Variants in MYO15B observed in about 807,000 individuals in gnomAD.
The protein encoded by MYO15B is myosin XVB, also known as myosin XVB pseudogene.
MYO15B carries 207 observed loss-of-function variants against 119.3 expected under a neutral mutation model. The ratio of observed to expected loss-of-function variants is 1.73; its 90% CI spans 1.55 to 1.95. MYO15B has a LOEUF of 1.95. Ranked by LOEUF, MYO15B falls within the 30% of genes most tolerant of loss-of-function variation. MYO15B has a pLI of 0.00. For synonymous variants in MYO15B, 966 were observed against 498.9 expected, an observed-to-expected ratio of 1.94 and a Z score of -12.48; for missense variants, 2,264 against 1,203.1, an observed-to-expected ratio of 1.88 and a Z score of -13.04.
chr17:75,614,381 C>T, intron 30 of MYO15B, 21 bp downstream of exon 30: 1 of 700,458 alleles, frequency 1.4e-6, no homozygotes, highest in Non-Finnish European at 2.6e-6. Context: ...CCCAGCACCC[C>T]TCTCCCTGGC....
exon 64 of MYO15B, chr17:75,626,465 A>C (rs2059076005): frequency 1.4e-6 from 1 of 703,146 alleles, no homozygotes; most frequent in South Asian, 1.5e-5. Flanking sequence ...TCTTGCACTG[A>C]GTGGCCCAGC....
intron 53 of MYO15B, among the ~76,000 whole-genome samples, chr17:75,623,531 G>C (rs2058827680): frequency 6.6e-6 from 1 of 152,236 alleles, no homozygotes; most frequent in African/African-American, 2.4e-5. Flanking sequence ...GGCTGAGGCA[G>C]GAGAATTGCT....
At position 75,625,122 on chromosome 17, in the gene MYO15B, G is replaced by A. The variant is rs1460690347; in HGVS notation, c.8689-1G>A. The A allele has an allele frequency of 2.9e-6, 2 of 694,980 alleles. No individual in the cohort carries two copies. Among genetic ancestry groups the A allele is most frequent in the Non-Finnish European group, 5.3e-6 (2 of 379,578 alleles). 43.1% of individuals were successfully genotyped at this position (694,980 alleles called of 1,614,324 possible). A position where few individuals can be genotyped will look rare whatever the true frequency, so the allele number is the denominator to read the frequency against. On this transcript the variant is annotated splice_acceptor_variant, in intron 59 of 63. Coordinates refer to ENST00000645453, the Ensembl canonical transcript of MYO15B. LOFTEE classifies it high-confidence loss of function. ...CCCTCCTCACCGTGCTCCCCGCACA[G>A]GTGCTGTGGGACTACCTTCAGGGGA...
chr17:75,626,676 T>A (rs1231273051), exon 64 of MYO15B, among the ~76,000 whole-genome samples: 1 of 152,190 alleles, frequency 6.6e-6, no homozygotes, highest in African/African-American at 2.4e-5. Flanking sequence ...AGCCAGACCC[T>A]CTCCAGGACG....
At chr17:75,613,971 A>G (rs2058196680) in intron 29 of MYO15B, 194 bp downstream of exon 29, 1 of 597,966 alleles carries the variant, frequency 1.7e-6, no homozygotes, top group Admixed American at 2.9e-5. Flanking sequence ...GGCAGATTCT[A>G]ACTCAGCAGG....
chr17:75,625,252 C>A lies in MYO15B; in HGVS notation c.8804+14C>A, dbSNP rs756009994. 5 of 689,260 alleles carry A rather than the reference C, an allele frequency of 7.3e-6. No homozygotes were observed. In the South Asian group the frequency reaches 7.6e-5, roughly 10 times the overall value. 42.7% of individuals were successfully genotyped at this position (689,260 alleles called of 1,614,324 possible). A position where few individuals can be genotyped will look rare whatever the true frequency, so the allele number is the denominator to read the frequency against. On this transcript the variant is annotated intron_variant, in intron 60 of 63. Coordinates refer to ENST00000645453, the Ensembl canonical transcript of MYO15B. ...TACCCCCTCAGGGTGAGTGGAGGCA[C>A]CTCCCGCCCCTAAGCCCCTCCCCTT... is the stretch of plus-strand genomic sequence containing the variant.
chr17:75,592,475 G>T, exon 8 of MYO15B: 1 of 612,918 alleles, frequency 1.6e-6, no homozygotes, highest in Non-Finnish European at 2.9e-6. Flanking sequence ...TGCTGGCAGG[G>T]CTGGACTCCA....
Position 75,617,220 on chromosome 17 carries a change from C to T in MYO15B, c.6730C>T (p.Pro2244Ser), listed in dbSNP as rs190724968. Reference sequence around the variant, plus strand: ...TCTGGACCTGTTTGGCCAGAAGCTGCCTATTGCCCACACACCCCCACCTCC... The same window carrying T: ...TCTGGACCTGTTTGGCCAGAAGCTGTCTATTGCCCACACACCCCCACCTCC... Residue 2244 changes from proline to serine, a missense_variant, in exon 41 of 64, where the codon CCT (proline) becomes TCT (serine). Pro to Ser is a moderately conservative substitution (Grantham distance 74). Coordinates refer to ENST00000645453, the Ensembl canonical transcript of MYO15B. The T allele has an allele frequency of 7.2e-6, 5 of 698,438 alleles. No individual in the cohort carries two copies. In the Admixed American group the frequency reaches 8.1e-5, roughly 11 times the overall value. The allele number at this position is 698,438 out of a possible 1,614,324, so 43.3% of individuals were successfully genotyped here.
intron 21 of MYO15B, among the ~76,000 whole-genome samples, chr17:75,609,780 A>C (rs1302051316): frequency 1.5e-5 from 2 of 136,744 alleles, no homozygotes; most frequent in Admixed American, 1.6e-4. Flanking sequence ...ATCTCGGCTC[A>C]CTTGAATCTC....
chr17:75,611,759 C>G, intron 24 of MYO15B, 101 bp downstream of exon 24: 1 of 695,578 alleles, frequency 1.4e-6, no homozygotes, highest in Non-Finnish European at 2.6e-6. Context: ...GCTCCAGACT[C>G]CCCTGAGCTC....
chr17:75,594,649 A>C, intron 10 of MYO15B, 52 bp from the exon 11 acceptor site: 2 of 700,544 alleles, frequency 2.9e-6, no homozygotes, highest in Non-Finnish European at 2.6e-6. Context: ...CTGAGTAAGC[A>C]CCATGAGGGC....
exon 8 of MYO15B, chr17:75,592,500 C>A: frequency 1.6e-6 from 1 of 607,354 alleles, no homozygotes; most frequent in South Asian, 1.9e-5. Flanking sequence ...GCGGGAGCGG[C>A]TCTCCCTGCA....
At chr17:75,620,784 C>T (rs11470) in intron 49 of MYO15B, 148 bp downstream of exon 49, 2 of 701,452 alleles carry the variant, frequency 2.9e-6, no homozygotes, top group Admixed American at 2.0e-5. Context: ...CTCCTGATGG[C>T]TCGCCTTGTC....
chr17:75,592,041 C>T (rs1423055271), exon 6 of MYO15B: 2 of 702,848 alleles, frequency 2.8e-6, no homozygotes, highest in Admixed American at 2.0e-5. Context: ...AATGCCAATG[C>T]CAGCCGCTTC....
chr17:75,617,639 G>C (rs2058458455), intron 41 of MYO15B, 171 bp from the exon 42 acceptor site: 1 of 589,732 alleles, frequency 1.7e-6, no homozygotes, highest in South Asian at 2.0e-5. Flanking sequence ...GGAAAGTTTA[G>C]GGCCCAAAAT....
At chr17:75,596,538 C>T in exon 13 of MYO15B, 1 of 703,044 alleles carries the variant, frequency 1.4e-6, no homozygotes, top group Non-Finnish European at 2.6e-6. Context: ...CAGCCAGATG[C>T]TGCTGGCCCA....
rs530518056 is a variant in MYO15B at position 75,600,990 on chromosome 17, G to A, written c.3526-448G>A. Among the ~76,000 whole-genome samples the A allele has an allele frequency of 8.9e-5, 13 of 146,528 alleles. No individual in the cohort carries two copies. In the South Asian group the frequency reaches 2.2e-3, roughly 24 times the overall value. ...GCCATCGTGGCTCACTGCAACCTCCGCCTCCTGGGTTCAAGTGATTCTCCT... is the reference window on the plus strand; with the variant it reads ...GCCATCGTGGCTCACTGCAACCTCCACCTCCTGGGTTCAAGTGATTCTCCT... On this transcript the variant is annotated intron_variant, in intron 14 of 63. Coordinates refer to ENST00000645453, the Ensembl canonical transcript of MYO15B.
chr17:75,611,333 A>G (rs1240055659), intron 23 of MYO15B, among the ~76,000 whole-genome samples: 1 of 151,984 alleles, frequency 6.6e-6, no homozygotes, highest in South Asian at 2.1e-4. Context: ...ACAGTAGCAC[A>G]TGCCTATAGT....
chr17:75,625,835 C>T lies in MYO15B; in HGVS notation c.8939-9C>T, dbSNP rs781707858. 31 of 702,562 alleles carry T rather than the reference C, an allele frequency of 4.4e-5. No individual in the cohort carries two copies. Among genetic ancestry groups the T allele is most frequent in the Non-Finnish European group, 4.9e-5 (19 of 385,012 alleles). The allele number at this position is 702,562 out of a possible 1,614,324, so 43.5% of individuals were successfully genotyped here. Reference sequence around the variant, plus strand: ...TCAGATTTCCTGCCTGCACCCTCTCCACCCGCAGAGGCCATGAGCCAGCTG... The same window carrying T: ...TCAGATTTCCTGCCTGCACCCTCTCTACCCGCAGAGGCCATGAGCCAGCTG... On this transcript the variant is annotated splice_polypyrimidine_tract_variant and intron_variant, in intron 61 of 63. Coordinates refer to ENST00000645453, the Ensembl canonical transcript of MYO15B.
Sources: gnomAD v4.1 joint callset for allele counts (sites outside exome capture counted in the v4.1 genomes callset) on GRCh38, gnomAD v4.1.1 for gene constraint, MANE v1.5 for transcripts, NCBI Gene and HGNC (gene_info 2026-07-23, HGNC 2026-07-21) for gene names.